WDR41: variants seen among roughly 807,000 people sequenced by gnomAD.
WDR41 encodes WD repeat domain 41, also known as WD repeat-containing protein 41.
A neutral mutation model predicts 69.3 loss-of-function variants in WDR41; 63 were observed. That is an observed-to-expected ratio of 0.91 (90% CI 0.74 to 1.12). WDR41 has a LOEUF of 1.12. Ranked by LOEUF, WDR41 falls within the 50% of genes most tolerant of loss-of-function variation. The pLI is 0.00. For missense variants in WDR41, 543 were observed against 534.5 expected (o/e 1.02, Z -0.16); for synonymous variants, 185 against 192.1 (o/e 0.96, Z 0.31).
At chr5:77,594,327 A>G (rs998878146) in intron 1 of WDR41, among the ~76,000 whole-genome samples, 6 of 151,792 alleles carry the variant, frequency 4.0e-5, no homozygotes, top group South Asian at 2.1e-4. Context: ...TGACGAGTTA[A>G]TGGGTGCAGC....
intron 1 of WDR41, among the ~76,000 whole-genome samples, chr5:77,547,887 A>G (rs560257469): frequency 6.6e-6 from 1 of 152,294 alleles, no homozygotes; most frequent in South Asian, 2.1e-4. Context: ...AAACTATACT[A>G]TAAGGCCATA....
chr5:77,497,811 T>C (rs930107983), intron 1 of WDR41, among the ~76,000 whole-genome samples: 1 of 152,208 alleles, frequency 6.6e-6, no homozygotes, highest in Non-Finnish European at 1.5e-5. Context: ...ACATCAGCAC[T>C]ATTCACAATA....
intron 8 of WDR41, among the ~76,000 whole-genome samples, chr5:77,443,210 C>T (rs1799244900): frequency 6.6e-6 from 1 of 152,128 alleles, no homozygotes; most frequent in African/African-American, 2.4e-5. Flanking sequence ...TTTAAAAAGA[C>T]ATCAAATATT....
At chr5:77,609,503 A>G (rs926131669) in intron 1 of WDR41, among the ~76,000 whole-genome samples, 17 of 152,174 alleles carry the variant, frequency 1.1e-4, no homozygotes, top group African/African-American at 3.9e-4. Context: ...GTTCACGAAA[A>G]TCCGCTGTTC....
intron 1 of WDR41, among the ~76,000 whole-genome samples, chr5:77,561,524 A>G (rs1221689437): frequency 6.6e-6 from 1 of 152,164 alleles, no homozygotes; most frequent in African/African-American, 2.4e-5. Context: ...CTATTATTAG[A>G]AATCTTCATT....
rs139122408 is a variant in WDR41 at position 77,438,279 on chromosome 5, T to C, written c.965A>G (p.His322Arg). ...GGCAACGTGCAGGACATTGGAGTCA[T>C]GTGCAGTTTTCTGGCAGGCAATCAC... ...KRVIACQKTAHDSNVLHVARL... is the reference protein window; with the variant it reads ...KRVIACQKTARDSNVLHVARL... Residue 322 changes from histidine to arginine, a missense_variant, in exon 10 of 13, where the codon CAT becomes CGT. By Grantham distance (29) the His-to-Arg change is conservative. Coordinates refer to ENST00000296679, the MANE Select transcript of WDR41 (RefSeq NM_018268.4). 162 of 1,613,954 alleles carry C rather than the reference T, an allele frequency of 1.0e-4. No homozygotes were observed. Among genetic ancestry groups the C allele is most frequent in the Non-Finnish European group, 1.3e-4 (154 of 1,179,918 alleles).
chr5:77,587,071 A>G (rs1017392284), intron 1 of WDR41, among the ~76,000 whole-genome samples: 7 of 150,820 alleles, frequency 4.6e-5, no homozygotes, highest in South Asian at 2.1e-4. Flanking sequence ...CCAGATCAAG[A>G]TATTGAACAT....
chr5:77,582,934 A>C, intron 1 of WDR41: 1 of 1,609,620 alleles, frequency 6.2e-7, no homozygotes, highest in Admixed American at 1.7e-5. Flanking sequence ...CATTATCTGC[A>C]TGGAGGATTT....
chr5:77,584,285 G>A (rs776522847), intron 1 of WDR41, among the ~76,000 whole-genome samples: 1 of 152,008 alleles, frequency 6.6e-6, no homozygotes, highest in East Asian at 1.9e-4. Flanking sequence ...GACTAGAAAG[G>A]AAAAAGTAAA....
intron 12 of WDR41, among the ~76,000 whole-genome samples, chr5:77,435,370 T>A (rs1798897546): frequency 6.6e-6 from 1 of 152,212 alleles, no homozygotes; most frequent in Non-Finnish European, 1.5e-5. Context: ...AAATGCAGCC[T>A]AGGGTAACAG....
chr5:77,499,837 C>T (rs1284837560), intron 1 of WDR41, among the ~76,000 whole-genome samples: 1 of 152,096 alleles, frequency 6.6e-6, no homozygotes, highest in East Asian at 1.9e-4. Flanking sequence ...GGGCCCGAGA[C>T]TAATTACTAG....
intron 1 of WDR41, among the ~76,000 whole-genome samples, chr5:77,520,989 G>T (rs1223607476): frequency 6.6e-6 from 1 of 151,994 alleles, no homozygotes; most frequent in African/African-American, 2.4e-5. Flanking sequence ...TCTCATCCTC[G>T]GCCCCTGACC....
At chr5:77,597,487 G>A (rs1484156677) in intron 1 of WDR41, among the ~76,000 whole-genome samples, 1 of 152,142 alleles carries the variant, frequency 6.6e-6, no homozygotes, top group Non-Finnish European at 1.5e-5. Flanking sequence ...TCGTGATTAG[G>A]CAAACTGTGG....
chr5:77,517,107 T>C (rs538083045), intron 1 of WDR41, among the ~76,000 whole-genome samples: 1 of 152,086 alleles, frequency 6.6e-6, no homozygotes, highest in Non-Finnish European at 1.5e-5. Flanking sequence ...TACAACCCAT[T>C]GGCCAGAACT....
rs11960387 is a variant in WDR41 at position 77,476,410 on chromosome 5, G to A, written c.168-11601C>T. The stretch of plus-strand genomic sequence containing the variant: ...GTTGAAATGAAGGAAAAAATGTTAA[G>A]GGCAGCCAGAGAGAAAGGTCGGGTT... On this transcript the variant is annotated intron_variant, in intron 2 of 12. Transcript: ENST00000296679. 5.2e-3 allele frequency among the ~76,000 whole-genome samples: 786 copies of A among 151,948 alleles called. 5 individuals carry two copies. Among genetic ancestry groups the A allele is most frequent in the African/African-American group, 0.018 (740 of 41,386 alleles).
intron 1 of WDR41, among the ~76,000 whole-genome samples, chr5:77,602,321 G>T (rs1401405611): frequency 1.3e-5 from 2 of 151,950 alleles, no homozygotes; most frequent in Admixed American, 1.3e-4. Context: ...TGTATTTTTG[G>T]TAGAGACGGG....
At chr5:77,512,373 T>A (rs879668077) in intron 1 of WDR41, among the ~76,000 whole-genome samples, 1,596 of 117,358 alleles carry the variant, frequency 0.014, 45 homozygotes, top group African/African-American at 0.032. Flanking sequence ...TGTGTGTGTG[T>A]GTGTGTGTGT....
intron 1 of WDR41, among the ~76,000 whole-genome samples, chr5:77,560,224 AGTAT>A (rs1450536601): frequency 1.3e-5 from 2 of 152,230 alleles, no homozygotes; most frequent in Non-Finnish European, 2.9e-5. Context: ...TGGTTGCTGA[AGTAT>A]GAGTCTCTTA....
chr5:77,592,002 ATTTATATT>A, intron 1 of WDR41, among the ~76,000 whole-genome samples: 1 of 152,194 alleles, frequency 6.6e-6, no homozygotes, highest in South Asian at 2.1e-4. Flanking sequence ...GAAATTATCT[ATTTATATT>A]TTTATATGTT....
Sources: gnomAD v4.1 joint callset for allele counts (sites outside exome capture counted in the v4.1 genomes callset) on GRCh38, gnomAD v4.1.1 for gene constraint, MANE v1.5 for transcripts, NCBI Gene and HGNC (gene_info 2026-07-23, HGNC 2026-07-21) for gene names.